Variants in RAPGEF5 observed in about 807,000 individuals in gnomAD.
RAPGEF5 encodes the protein Rap guanine nucleotide exchange factor 5.
A neutral mutation model predicts 125.2 loss-of-function variants in RAPGEF5; 65 were observed. The observed-to-expected ratio is 0.52, with a 90% CI of 0.43 to 0.64. The LOEUF (loss-of-function observed/expected upper bound fraction) is 0.64. Ranked by LOEUF, RAPGEF5 falls within the 30% of genes least tolerant of loss-of-function variation. The pLI is 0.00. For missense variants in RAPGEF5, 958 were observed against 1,048.1 expected (o/e 0.91, Z 1.19); for synonymous variants, 391 against 385.9 (o/e 1.01, Z -0.16).
At chr7:22,137,158 A>C (rs1328906924) in intron 21 of RAPGEF5, among the ~76,000 whole-genome samples, 175 bp from the exon 22 acceptor site, 1 of 152,212 alleles carries the variant, frequency 6.6e-6, no homozygotes, top group East Asian at 1.9e-4. Context: ...CATCCCTTTA[A>C]TGTGATCTTC....
intron 3 of RAPGEF5, chr7:22,314,708 T>C: frequency 4.9e-6 from 4 of 813,776 alleles, no homozygotes; most frequent in Non-Finnish European, 5.9e-6. Flanking sequence ...TGGTATCATT[T>C]GGTGTGGCTT....
At chr7:22,199,728 T>G (rs1038672983) in intron 9 of RAPGEF5, among the ~76,000 whole-genome samples, 7 of 152,000 alleles carry the variant, frequency 4.6e-5, no homozygotes, top group African/African-American at 1.5e-4. Flanking sequence ...CAGCAGATTA[T>G]TTCCACTTTC....
chr7:22,124,728 T>G (rs1430509389), intron 25 of RAPGEF5, among the ~76,000 whole-genome samples: 1 of 152,224 alleles, frequency 6.6e-6, no homozygotes, highest in South Asian at 2.1e-4. Flanking sequence ...TGGTTGCCTT[T>G]GATTAATTTA....
chr7:22,305,644 C>A (rs910594865), intron 5 of RAPGEF5, among the ~76,000 whole-genome samples: 6 of 151,960 alleles, frequency 3.9e-5, no homozygotes, highest in Non-Finnish European at 8.8e-5. Context: ...AAAGAGTGGG[C>A]CTTATTCATT....
At chr7:22,125,264 C>A (rs1004061758) in intron 25 of RAPGEF5, 1 of 224,292 alleles carries the variant, frequency 4.5e-6, no homozygotes, top group East Asian at 1.2e-4. Context: ...GCTAAACTCA[C>A]CAGTGATTTT....
chr7:22,276,844 G>C (rs1419871506), intron 6 of RAPGEF5, among the ~76,000 whole-genome samples: 2 of 152,230 alleles, frequency 1.3e-5, no homozygotes, highest in Admixed American at 6.5e-5. Context: ...ATCCGACACA[G>C]AGTAAGTGCT....
intron 7 of RAPGEF5, among the ~76,000 whole-genome samples, chr7:22,251,949 C>T (rs1786634252): frequency 6.6e-6 from 1 of 151,934 alleles, no homozygotes; most frequent in Non-Finnish European, 1.5e-5. Context: ...TTTCATTTGA[C>T]CTTGGGTACA....
rs1782885640 is a variant in RAPGEF5, at chr7:22,289,697, T to C, written c.747+1478A>G. On this transcript the variant is annotated intron_variant, in intron 6 of 25. Transcript: ENST00000665637. Reference sequence around the variant, plus strand: ...GTTTTTTACACCATTGATTATCATATTGATATGATTAGGCTTTGAGTCCCA... The same window carrying C: ...GTTTTTTACACCATTGATTATCATACTGATATGATTAGGCTTTGAGTCCCA... Among the ~76,000 whole-genome samples the C allele has an allele frequency of 2.0e-5, 3 of 152,234 alleles. No individual in the cohort carries two copies. In the South Asian group the frequency reaches 6.2e-4, roughly 32 times the overall value.
intron 6 of RAPGEF5, among the ~76,000 whole-genome samples, chr7:22,280,603 G>A (rs113439486): frequency 5.5e-4 from 84 of 152,302 alleles, no homozygotes; most frequent in African/African-American, 1.9e-3. Context: ...ACTTATTCGA[G>A]GAAACTGGTA....
intron 6 of RAPGEF5, 138 bp downstream of exon 6, chr7:22,291,037 G>A (rs796279992): frequency 2.0e-5 from 19 of 935,410 alleles, no homozygotes; most frequent in Admixed American, 3.4e-5. Flanking sequence ...GTCTCCCTCT[G>A]CCTTGCCTCA....
chr7:22,349,692 A>G (rs1352326256), intron 1 of RAPGEF5, among the ~76,000 whole-genome samples: 1 of 152,218 alleles, frequency 6.6e-6, no homozygotes, highest in East Asian at 1.9e-4. Flanking sequence ...GCTTTACACT[A>G]AGACTTGAAA....
At chr7:22,269,197 A>G (rs555617614) in intron 6 of RAPGEF5, among the ~76,000 whole-genome samples, 69 of 151,784 alleles carry the variant, frequency 4.5e-4, no homozygotes, top group Non-Finnish European at 8.8e-4. Flanking sequence ...AAAAAAAAAA[A>G]AAAGAAACCC....
chr7:22,316,478 TA>T (rs1562525637), intron 2 of RAPGEF5, among the ~76,000 whole-genome samples: 1,339 of 58,944 alleles, frequency 0.023, 13 homozygotes, highest in Non-Finnish European at 0.034. Context: ...TATATATATA[TA>T]TATATATATA....
chr7:22,282,817 C>A (rs1399690654), intron 6 of RAPGEF5, among the ~76,000 whole-genome samples: 1 of 152,084 alleles, frequency 6.6e-6, no homozygotes, highest in East Asian at 1.9e-4. Flanking sequence ...GGTTTCCCCA[C>A]AAAGAAGTTC....
At chr7:22,308,977 G>A (rs1459562967) in intron 4 of RAPGEF5, among the ~76,000 whole-genome samples, 6 of 152,052 alleles carry the variant, frequency 3.9e-5, no homozygotes, top group Non-Finnish European at 5.9e-5. Flanking sequence ...GGGGCAGAGC[G>A]CTACTAGTAT....
intron 7 of RAPGEF5, among the ~76,000 whole-genome samples, chr7:22,241,239 G>C (rs1028671664): frequency 6.6e-6 from 1 of 152,124 alleles, no homozygotes; most frequent in Non-Finnish European, 1.5e-5. Flanking sequence ...TGCTCATTAA[G>C]TTTTTTTGTT....
chr7:22,237,805 G>T (rs2128135635), intron 7 of RAPGEF5, among the ~76,000 whole-genome samples: 1 of 152,262 alleles, frequency 6.6e-6, no homozygotes, highest in East Asian at 1.9e-4. Flanking sequence ...CCAGCACCTG[G>T]AATAATTTCT....
At chr7:22,292,421 C>T (rs770541346) in intron 5 of RAPGEF5, among the ~76,000 whole-genome samples, 6 of 152,200 alleles carry the variant, frequency 3.9e-5, no homozygotes, top group African/African-American at 9.6e-5. Context: ...TGAAGCAGTG[C>T]TGATGTTGTC....
chr7:22,149,917 G>A (rs1229609198), intron 18 of RAPGEF5, among the ~76,000 whole-genome samples: 1 of 135,494 alleles, frequency 7.4e-6, no homozygotes, highest in East Asian at 2.2e-4. Context: ...TCCTCAAGTT[G>A]GATTGAACTG....
Sources: allele counts gnomAD v4.1 joint callset (sites outside exome capture counted in the v4.1 genomes callset), GRCh38; gene constraint gnomAD v4.1.1; transcripts MANE v1.5; gene names NCBI Gene and HGNC (gene_info 2026-07-23, HGNC 2026-07-21).